Variants in C5orf52 observed in about 807,000 individuals in gnomAD.
The protein encoded by C5orf52 is chromosome 5 open reading frame 52, also known as uncharacterized protein C5orf52.
C5orf52 carries 15 observed loss-of-function variants against 16.8 expected under a neutral mutation model. The ratio of observed to expected loss-of-function variants is 0.89; its 90% CI spans 0.60 to 1.38. C5orf52 has a LOEUF of 1.38. Ranked by LOEUF, C5orf52 falls within the 40% of genes most tolerant of loss-of-function variation. The pLI, the probability that C5orf52 is intolerant of heterozygous loss-of-function variation, is 0.00. For synonymous variants in C5orf52, 83 were observed against 87.2 expected (o/e 0.95, Z 0.27); for missense variants, 206 against 213.1 (o/e 0.97, Z 0.21).
rs1759977565 is a variant in C5orf52, at chr5:157,680,029, C to CTTT, written c.*30_*31insTTT. On this transcript the variant is annotated 3_prime_UTR_variant, in exon 3 of 3. Transcript: ENST00000409999. Reference sequence around the variant, plus strand: ...CAGTCTCCCAAGAAAGGCCAACCACCCTAGTTCTGGCAAAGGGATCTGCCC... The same window carrying CTTT: ...CAGTCTCCCAAGAAAGGCCAACCACCTTTCTAGTTCTGGCAAAGGGATCTGCCC... 1.3e-6 allele frequency: 2 copies of CTTT among 1,544,656 alleles called. No individual in the cohort carries two copies. The highest frequency in any genetic ancestry group is 4.9e-5 in the East Asian group (2 of 40,882).
chr5:157,680,134 C>G lies in C5orf52; in HGVS notation c.*135C>G. The G allele has an allele frequency of 1.3e-6, 1 of 784,896 alleles. No individual in the cohort carries two copies. The highest frequency in any genetic ancestry group is 2.0e-6 in the Non-Finnish European group (1 of 496,776). The allele number at this position is 784,896 out of a possible 1,614,324, so 48.6% of individuals were successfully genotyped here. On this transcript the variant is annotated 3_prime_UTR_variant, in exon 3 of 3. Transcript: ENST00000409999. The stretch of plus-strand genomic sequence containing the variant: ...ACAACTGTAGAACAATAAACAGAAA[C>G]CAGCAGACAGCGGAGCATAATAAAT...
At chr5:157,675,973 T>C (rs752241671) in intron 2 of C5orf52, among the ~76,000 whole-genome samples, 35 of 152,100 alleles carry the variant, frequency 2.3e-4, no homozygotes, top group Non-Finnish European at 4.9e-4. Context: ...TTGGGACAGG[T>C]ACTGTGTTGG....
Position 157,679,721 on chromosome 5 carries a change from G to A in C5orf52, c.322-120G>A, listed in dbSNP as rs897141213. The A allele has an allele frequency of 1.6e-5, 14 of 884,108 alleles. No homozygotes were observed. The South Asian group carries it at 2.4e-4, about 15-fold the overall frequency. The allele number at this position is 884,108 out of a possible 1,614,324, so 54.8% of individuals were successfully genotyped here. A position where few individuals can be genotyped will look rare whatever the true frequency, so the allele number is the denominator to read the frequency against. ...TCAAAGTATATGGAATGTACATAGG[G>A]TCCAGCTGACACTTTTCCCACTCCC... On this transcript the variant is annotated intron_variant, in intron 2 of 2. Transcript: ENST00000409999.
intron 2 of C5orf52, 83 bp downstream of exon 2, chr5:157,675,283 T>C (rs1474997003): frequency 2.4e-6 from 2 of 846,958 alleles, no homozygotes; most frequent in Admixed American, 4.2e-5. Flanking sequence ...TGCTGGGATA[T>C]CATAGAGGTG....
chr5:157,676,234 G>A (rs1036292507), intron 2 of C5orf52, among the ~76,000 whole-genome samples: 13 of 152,172 alleles, frequency 8.5e-5, no homozygotes, highest in South Asian at 4.2e-4. Context: ...CACTACGCCC[G>A]TCTAATTTTT....
chr5:157,671,741 G>T lies in C5orf52; in HGVS notation c.127G>T (p.Gly43Cys). 1 of 1,551,128 alleles carries T rather than the reference G, an allele frequency of 6.4e-7. No homozygotes were observed. Residue 43 changes from glycine to cysteine, a missense_variant, in exon 1 of 3, where the codon GGC becomes TGC. Coordinates refer to ENST00000409999, the MANE Select transcript of C5orf52 (RefSeq NM_001145132.2). The part of the protein sequence containing the change: ...SGSNYQRDRL[G>C]RRPEIGVGGQ... ...TTCGAACTACCAGCGCGATAGACTC[G>T]GCCGCCGCCCAGAAATCGGCGTAGG... is the stretch of plus-strand genomic sequence containing the variant.
In C5orf52 at chr5:157,671,759, G is replaced by A; in HGVS notation, c.145G>A (p.Gly49Ser). ...TAGACTCGGCCGCCGCCCAGAAATC[G>A]GCGTAGGGGGTCAGCCGCAGATCTG... ...RDRLGRRPEI[G>S]VGGQPQICFP... Residue 49 changes from glycine (G) to serine (S), a missense_variant, in exon 1 of 3, where the codon GGC (glycine) becomes AGC (serine). Physicochemically the swap from Gly to Ser is moderately conservative, Grantham distance 56. Transcript: ENST00000409999. The A allele has an allele frequency of 6.4e-7, 1 of 1,550,954 alleles. No individual in the cohort carries two copies. The highest frequency in any genetic ancestry group is 8.7e-7 in the Non-Finnish European group (1 of 1,146,780).
intron 1 of C5orf52, among the ~76,000 whole-genome samples, chr5:157,672,729 C>T (rs979678040): frequency 3.9e-5 from 6 of 152,184 alleles, no homozygotes; most frequent in Middle Eastern, 3.4e-3. Context: ...CACGACACTC[C>T]GGGTTCCAAA....
intron 2 of C5orf52, among the ~76,000 whole-genome samples, chr5:157,677,207 G>A (rs1293156256): frequency 1.3e-5 from 2 of 152,088 alleles, no homozygotes; most frequent in African/African-American, 4.8e-5. Flanking sequence ...AGAGGCCAGG[G>A]ACACTGCTGA....
chr5:157,675,405 G>C (rs1262042135), intron 2 of C5orf52, among the ~76,000 whole-genome samples: 1 of 152,176 alleles, frequency 6.6e-6, no homozygotes, highest in African/African-American at 2.4e-5. Flanking sequence ...GGCTAAGGGA[G>C]CCAGAGAGAA....
intron 2 of C5orf52, 137 bp from the exon 3 acceptor site, chr5:157,679,704 T>C (rs1759970474): frequency 2.7e-6 from 2 of 748,954 alleles, no homozygotes; most frequent in Admixed American, 3.0e-5. Context: ...AGTCAAAGTA[T>C]ATGGAATGTA....
In C5orf52 at chr5:157,675,347, T is replaced by C. The variant is rs529828725; in HGVS notation, c.321+147T>C. On this transcript the variant is annotated intron_variant, in intron 2 of 2. Transcript: ENST00000409999. The stretch of plus-strand genomic sequence containing the variant: ...AGGCCCCATTTTACAGAGGAGGCAA[T>C]TGATACTCGGGGTTACTGACTTGCG... The C allele has an allele frequency of 1.2e-4, 71 of 586,312 alleles. No homozygotes were observed. In the African/African-American group the frequency reaches 1.3e-3, roughly 10 times the overall value. 36.3% of individuals were successfully genotyped at this position (586,312 alleles called of 1,614,324 possible).
chr5:157,674,112 A>G (rs1759852532), intron 1 of C5orf52, among the ~76,000 whole-genome samples: 1 of 152,094 alleles, frequency 6.6e-6, no homozygotes, highest in East Asian at 1.9e-4. Flanking sequence ...CACCTGGAGT[A>G]CTTGGCTCCA....
At chr5:157,676,831 A>T (rs1280389986) in intron 2 of C5orf52, among the ~76,000 whole-genome samples, 1 of 148,238 alleles carries the variant, frequency 6.7e-6, no homozygotes, top group Non-Finnish European at 1.5e-5. Context: ...ATTCTCTCTC[A>T]TCATCTTTGT....
intron 1 of C5orf52, 103 bp downstream of exon 1, chr5:157,671,929 T>C (rs1424025307): frequency 9.1e-6 from 7 of 765,226 alleles, no homozygotes; most frequent in Non-Finnish European, 1.4e-5. Context: ...CGGCCCTTTT[T>C]CACACCCCAG....
chr5:157,679,843 G>C lies in C5orf52; in HGVS notation c.324G>C (p.Val108=). Residue 108 remains valine (V), a splice_region_variant and synonymous_variant, in exon 3 of 3, where the codon GTG becomes GTC. Transcript: ENST00000409999. ...RITQRIYEME[V]SALEKTKKKI... ...ACCTCACCTCTGTTTTTTGTAAGGT[G>C]AGCGCTTTAGAGAAGACCAAGAAAA... 6.5e-7 allele frequency: 1 copy of C among 1,546,208 alleles called. No homozygotes were observed. Among genetic ancestry groups the C allele is most frequent in the Non-Finnish European group, 8.7e-7 (1 of 1,145,732 alleles).
chr5:157,675,185 A>T lies in C5orf52; in HGVS notation c.306A>T (p.Arg102=). The T allele has an allele frequency of 6.5e-7, 1 of 1,545,564 alleles. No homozygotes were observed. The highest frequency in any genetic ancestry group is 1.4e-5 in the African/African-American group (1 of 72,800). The change falls in exon 2 of 3, where the codon CGA becomes CGT. Residue 102 remains arginine, a synonymous_variant. Transcript: ENST00000409999. ...TTCATGATAACCGCATCACACAACGAATCTATGAGATGGAGGTAAAGTAGC... is the reference window on the plus strand; with the variant it reads ...TTCATGATAACCGCATCACACAACGTATCTATGAGATGGAGGTAAAGTAGC... ...VIIHDNRITQ[R]IYEMEVSALE... is the part of the protein sequence containing the mutation.
chr5:157,671,480 T>C (rs1314149937), upstream of C5orf52: 5 of 685,802 alleles, frequency 7.3e-6, no homozygotes, highest in Admixed American at 9.2e-5. Flanking sequence ...GCAGCCAATA[T>C]GTGTCTCCCA....
intron 2 of C5orf52, among the ~76,000 whole-genome samples, chr5:157,678,900 C>A (rs57274348): frequency 4.6e-5 from 7 of 151,766 alleles, no homozygotes; most frequent in African/African-American, 1.7e-4. Context: ...TTTGGGAGGC[C>A]GAAGCGGGTG....
Sources: gnomAD v4.1 joint callset for allele counts (sites outside exome capture counted in the v4.1 genomes callset) on GRCh38, gnomAD v4.1.1 for gene constraint, MANE v1.5 for transcripts, NCBI Gene and HGNC (gene_info 2026-07-23, HGNC 2026-07-21) for gene names.